The following ATAD2B variants were observed in gnomAD, a reference collection of about 807,000 sequenced individuals.
ATAD2B encodes ATPase family AAA domain-containing protein 2B.
Under a neutral mutation model 167.6 loss-of-function variants are expected in ATAD2B, and 40 were observed. That is an observed-to-expected ratio of 0.24 (90% CI 0.19 to 0.31). The LOEUF is 0.31. Ranked by LOEUF, ATAD2B falls within the 10% of genes least tolerant of loss-of-function variation. The pLI is 1.00. For synonymous variants in ATAD2B, 579 were observed against 596.5 expected (o/e 0.97, Z 0.43); for missense variants, 1,242 against 1,757.2 (o/e 0.71, Z 5.24).
intron 7 of ATAD2B, among the ~76,000 whole-genome samples, chr2:23,879,588 A>AG (rs1340641754): frequency 6.6e-5 from 10 of 152,216 alleles, no homozygotes; most frequent in Non-Finnish European, 5.9e-5. Context: ...ATTACACTGC[A>AG]CCATGAACAA....
At chr2:23,696,260 C>G in the ATAD2B span, 1 of 1,503,998 alleles carries the variant, frequency 6.6e-7, no homozygotes, top group East Asian at 2.5e-5. The surrounding 1 kb of genome is among the most constrained non-coding windows in gnomAD (Gnocchi z 5.5). Flanking sequence ...TCCTCTGCCC[C>G]TGGGGCTGGG....
At chr2:23,700,061 T>C in the ATAD2B span, among the ~76,000 whole-genome samples, 1 of 152,196 alleles carries the variant, frequency 6.6e-6, no homozygotes, top group Non-Finnish European at 1.5e-5. This position sits in a 1 kb window ranked among gnomAD's most constrained non-coding sequence, Gnocchi z 4.6. Flanking sequence ...GGACTCCACG[T>C]TCCCTCTGCA....
At chr2:23,905,239 C>A (rs939428138) in intron 1 of ATAD2B, among the ~76,000 whole-genome samples, 15 of 152,168 alleles carry the variant, frequency 9.9e-5, no homozygotes, top group Non-Finnish European at 2.2e-4. Flanking sequence ...GCCACATGGT[C>A]AGGCATGATA....
chr2:23,720,994 T>TCCCAGCAGCATGAAGC, the ATAD2B span, among the ~76,000 whole-genome samples: 1 of 151,014 alleles, frequency 6.6e-6, no homozygotes, highest in South Asian at 2.1e-4. Context: ...TTCCACCACA[T>TCCCAGCAGCATGAAGC]CCCAGCAGCA....
the ATAD2B span, among the ~76,000 whole-genome samples, chr2:23,705,631 G>C: frequency 6.6e-6 from 1 of 152,174 alleles, no homozygotes; most frequent in African/African-American, 2.4e-5. Flanking sequence ...GAGAAGACTG[G>C]AAGCTTCAGG....
At chr2:23,738,141 G>A in the ATAD2B span, among the ~76,000 whole-genome samples, 8 of 152,228 alleles carry the variant, frequency 5.3e-5, no homozygotes, top group Non-Finnish European at 1.2e-4. Flanking sequence ...TATTATCCAA[G>A]AGAAGTTCCC....
At chr2:23,771,652 T>G (rs1438579725) in intron 22 of ATAD2B, among the ~76,000 whole-genome samples, 1 of 152,214 alleles carries the variant, frequency 6.6e-6, no homozygotes, top group Non-Finnish European at 1.5e-5. Flanking sequence ...CTTTTTCCTC[T>G]TTTTCTCACT....
At chr2:23,831,126 C>G (rs963421425) in intron 14 of ATAD2B, among the ~76,000 whole-genome samples, 1 of 152,006 alleles carries the variant, frequency 6.6e-6, no homozygotes, top group Non-Finnish European at 1.5e-5. Context: ...TATGGCAAAC[C>G]GAATAGTAAG....
At chr2:23,708,552 T>G in the ATAD2B span, 1 of 152,242 alleles carries the variant, frequency 6.6e-6, no homozygotes, top group Non-Finnish European at 1.5e-5. Context: ...GTACATAGTA[T>G]ATGTTTACTG....
At chr2:23,895,707 TAAGTATTTACAAGATACTTA>T in intron 2 of ATAD2B, 92 bp downstream of exon 2, 1 of 664,712 alleles carries the variant, frequency 1.5e-6, no homozygotes, top group Non-Finnish European at 2.3e-6. Context: ...AATTTACTTA[TAAGTATTTACAAGATACTTA>T]TTTTATAAGC....
rs576356740 is a variant in ATAD2B at position 23,917,747 on chromosome 2, T to C, written c.216+8808A>G. On this transcript the variant is annotated intron_variant, in intron 1 of 27. Coordinates refer to ENST00000238789, the MANE Select transcript of ATAD2B (RefSeq NM_017552.4). Reference sequence around the variant, plus strand: ...TTCAAAACCAGCCTGGGCAACATAGTGAGACTCCTGTCTGGAAAAATAAAA... The same window carrying C: ...TTCAAAACCAGCCTGGGCAACATAGCGAGACTCCTGTCTGGAAAAATAAAA... Among the ~76,000 whole-genome samples the C allele has an allele frequency of 2.7e-5, 4 of 150,940 alleles. No individual in the cohort carries two copies. The East Asian group carries it at 7.9e-4, about 30-fold the overall frequency.
At chr2:23,788,230 C>T (rs1427565840) in intron 20 of ATAD2B, 2 of 342,302 alleles carry the variant, frequency 5.8e-6, no homozygotes, top group African/African-American at 4.1e-5. Context: ...GAACTGAAGA[C>T]TTTTTTCTAT....
At chr2:23,767,714 G>C (rs761934293) in intron 22 of ATAD2B, among the ~76,000 whole-genome samples, 7 of 152,140 alleles carry the variant, frequency 4.6e-5, no homozygotes, top group Non-Finnish European at 1.0e-4. Context: ...ATGATGACTT[G>C]AACTGGGGTA....
the ATAD2B span, among the ~76,000 whole-genome samples, chr2:23,734,258 G>A: frequency 6.6e-6 from 1 of 152,174 alleles, no homozygotes; most frequent in Non-Finnish European, 1.5e-5. Context: ...CCAGGTTCAA[G>A]TGATTCTCCT....
At position 23,875,874 on chromosome 2, in the gene ATAD2B, G is replaced by A. The variant is rs1181487912; in HGVS notation, c.932C>T (p.Thr311Met). 7 of 1,610,110 alleles carry A rather than the reference G, an allele frequency of 4.3e-6. No individual in the cohort carries two copies. The highest frequency in any genetic ancestry group is 5.9e-6 in the Non-Finnish European group (7 of 1,177,848). ...VPAHQKKREN[T>M]LFDIHRSPAR... is the part of the protein sequence containing the mutation. ...TGGAGATCTATGAATATCAAACAGC[G>A]TGTTTTCCCTCTTTTTTTGATGAGC... Residue 311 changes from threonine (T) to methionine (M), a missense_variant, in exon 8 of 28, where the codon ACG (threonine) becomes ATG (methionine). Physicochemically the swap from Thr to Met is moderately conservative, Grantham distance 81. Around this residue, in one of 9 missense-constraint regions of ATAD2B, gnomAD observed 127 missense variants for 146.3 expected, o/e 0.87. Transcript: ENST00000238789.
intron 13 of ATAD2B, among the ~76,000 whole-genome samples, chr2:23,850,158 ATG>A (rs1692343269): frequency 2.0e-5 from 3 of 151,178 alleles, no homozygotes; most frequent in African/African-American, 7.3e-5. Flanking sequence ...AAAAAAAAAA[ATG>A]ACTTTAAGAG....
At chr2:23,745,950 T>C (rs1293002222), downstream of ATAD2B, among the ~76,000 whole-genome samples, 1 of 152,238 alleles carries the variant, frequency 6.6e-6, no homozygotes, top group African/African-American at 2.4e-5. Context: ...AAACAGATGT[T>C]GACCTGTGAT....
chr2:23,705,637 T>G, the ATAD2B span, among the ~76,000 whole-genome samples: 5 of 152,074 alleles, frequency 3.3e-5, no homozygotes, highest in African/African-American at 1.2e-4. Flanking sequence ...ACTGGAAGCT[T>G]CAGGGTCTGG....
At chr2:23,794,498 G>C (rs1003283406) in intron 19 of ATAD2B, among the ~76,000 whole-genome samples, 15 of 152,120 alleles carry the variant, frequency 9.9e-5, no homozygotes, top group African/African-American at 3.6e-4. Context: ...AAGTCTTGGG[G>C]GCTCCTCAGG....
Sources: gnomAD v4.1 joint callset for allele counts (sites outside exome capture counted in the v4.1 genomes callset) on GRCh38, gnomAD v4.1.1 for gene constraint, gnomAD v4.1.1 regional missense constraint, Gnocchi (gnomAD v3.1) non-coding constraint, MANE v1.5 for transcripts, NCBI Gene and HGNC (gene_info 2026-07-23, HGNC 2026-07-21) for gene names.